The following SMG6 variants were observed in gnomAD, a reference collection of about 807,000 sequenced individuals.
SMG6 encodes telomerase-binding protein EST1A.
In SMG6, 66 loss-of-function variants were observed where a neutral mutation model predicts 142.2. The ratio of observed to expected loss-of-function variants is 0.46; its 90% CI spans 0.38 to 0.57. The LOEUF (loss-of-function observed/expected upper bound fraction) is 0.57. Ranked by LOEUF, SMG6 falls within the 20% of genes least tolerant of loss-of-function variation. The pLI, the probability that SMG6 is intolerant of heterozygous loss-of-function variation, is 0.00. For synonymous variants in SMG6, 779 were observed against 702.4 expected (o/e 1.11, Z -1.72); for missense variants, 1,793 against 1,832.0 (o/e 0.98, Z 0.39).
At chr17:2,293,440 G>A (rs546382270) in intron 4 of SMG6, among the ~76,000 whole-genome samples, 1 of 146,368 alleles carries the variant, frequency 6.8e-6, no homozygotes, top group South Asian at 2.3e-4. Context: ...AAACAAATAT[G>A]AAAACAATTG....
intron 13 of SMG6, among the ~76,000 whole-genome samples, chr17:2,107,398 C>T (rs1050766085): frequency 2.0e-5 from 3 of 152,186 alleles, no homozygotes; most frequent in African/African-American, 7.2e-5. Flanking sequence ...ACTATGTCTT[C>T]TATGGAAAAT....
At chr17:2,222,905 G>A (rs1467627680) in intron 10 of SMG6, among the ~76,000 whole-genome samples, 2 of 152,106 alleles carry the variant, frequency 1.3e-5, no homozygotes, top group African/African-American at 2.4e-5. Context: ...TAATACTTAC[G>A]AAACATTTTC....
rs1188031436 is a variant in SMG6, at chr17:2,088,865, G to A, written c.3358-2964C>T. On this transcript the variant is annotated intron_variant, in intron 13 of 18. Transcript: ENST00000263073. ...GGGGGGAATAAGCCCACTGGGGAGA[G>A]GACCACCGCTCTCTTGATGCTGGAG... is the stretch of plus-strand genomic sequence containing the variant. 4 of 984,046 alleles carry A rather than the reference G, an allele frequency of 4.1e-6. No individual in the cohort carries two copies. In the African/African-American group the frequency reaches 7.0e-5, roughly 17 times the overall value. The allele number at this position is 984,046 out of a possible 1,614,324, so 61.0% of individuals were successfully genotyped here.
chr17:2,211,129 A>G (rs2072846936), intron 10 of SMG6, among the ~76,000 whole-genome samples: 1 of 151,828 alleles, frequency 6.6e-6, no homozygotes, highest in South Asian at 2.1e-4. Flanking sequence ...AAAAAGATAC[A>G]TAGAACATGC....
At chr17:2,205,932 T>C (rs2072665425) in intron 10 of SMG6, among the ~76,000 whole-genome samples, 1 of 152,106 alleles carries the variant, frequency 6.6e-6, no homozygotes, top group African/African-American at 2.4e-5. Flanking sequence ...CCTCAGCCTC[T>C]TGAGTAGCTG....
intron 6 of SMG6, among the ~76,000 whole-genome samples, chr17:2,284,612 T>C (rs1404939777): frequency 6.6e-6 from 1 of 152,170 alleles, no homozygotes; most frequent in Admixed American, 6.5e-5. Context: ...TGCTAGCTTC[T>C]CTCTCTCCCC....
chr17:2,144,750 T>C (rs932712077), intron 13 of SMG6, among the ~76,000 whole-genome samples: 3 of 152,086 alleles, frequency 2.0e-5, no homozygotes, highest in Non-Finnish European at 2.9e-5. Flanking sequence ...TCAGAGTACA[T>C]AGGTAGTATG....
rs755423214 is a variant in SMG6 at position 2,085,912 on chromosome 17, A to G, written c.3358-11T>C. 6.2e-7 allele frequency: 1 copy of G among 1,612,248 alleles called. No homozygotes were observed. The highest frequency in any genetic ancestry group is 1.1e-5 in the South Asian group (1 of 90,722). On this transcript the variant is annotated splice_polypyrimidine_tract_variant and intron_variant, in intron 13 of 18. Coordinates refer to ENST00000263073, the MANE Select transcript of SMG6 (RefSeq NM_017575.5). This position sits in a 1 kb window ranked among gnomAD's most constrained non-coding sequence, Gnocchi z 4.1. ...GTCAGCTGCAATAACCTACAGGGTG[A>G]GAGGGAGAGAAGAAAAACAGCATTT...
At chr17:2,069,516 A>C (rs963034142) in intron 15 of SMG6, among the ~76,000 whole-genome samples, 4 of 152,024 alleles carry the variant, frequency 2.6e-5, no homozygotes, top group Non-Finnish European at 5.9e-5. Context: ...GGATTGCCTG[A>C]GCTCTGGAGG....
At position 2,297,345 on chromosome 17, in the gene SMG6, G is replaced by A. The variant is rs1319729288; in HGVS notation, c.2049C>T (p.Asp683=). 2 of 1,606,762 alleles carry A rather than the reference G, an allele frequency of 1.2e-6. No homozygotes were observed. Among genetic ancestry groups the A allele is most frequent in the Non-Finnish European group, 8.5e-7 (1 of 1,177,118 alleles). Residue 683 remains aspartate, a synonymous_variant, in exon 4 of 19, where the codon GAC becomes GAT. Transcript: ENST00000263073. The part of the protein sequence containing the change: ...RLLELLDEGS[D]FFDSLLQKLQ... Reference sequence around the variant, plus strand: ...GCTTCTGAAGCAAACTATCAAAGAAGTCACTACCCTATAAAAAGAAAAAAA... The same window carrying A: ...GCTTCTGAAGCAAACTATCAAAGAAATCACTACCCTATAAAAAGAAAAAAA...
chr17:2,087,491 T>A, intron 13 of SMG6: 3 of 1,053,268 alleles, frequency 2.8e-6, no homozygotes, highest in Non-Finnish European at 2.3e-6. Flanking sequence ...CATTATAGGC[T>A]GGAATCTCAA....
At chr17:2,204,456 CA>C (rs2072619968) in intron 10 of SMG6, among the ~76,000 whole-genome samples, 1 of 152,186 alleles carries the variant, frequency 6.6e-6, no homozygotes, top group South Asian at 2.1e-4. Flanking sequence ...GATCAATGTC[CA>C]AACCAAACTG....
chr17:2,165,979 A>C (rs1478789840), intron 13 of SMG6, among the ~76,000 whole-genome samples: 1 of 152,174 alleles, frequency 6.6e-6, no homozygotes, highest in Non-Finnish European at 1.5e-5. Flanking sequence ...AGGGAGGCCG[A>C]GGTGGGCGGA....
Position 2,298,975 on chromosome 17 carries a change from A to AGTT in SMG6, c.1775_1777dup (p.Glu592_Leu593insGln). ...CCTGGAGAGCAGGTTGCTGAGCTGC[A>AGTT]GTTCCTGGTTGTCAGCCACCCGGAG... On this transcript the variant is annotated inframe_insertion, in exon 2 of 19. Coordinates refer to ENST00000263073, the MANE Select transcript of SMG6 (RefSeq NM_017575.5). 6.2e-7 allele frequency: 1 copy of AGTT among 1,614,144 alleles called. No homozygotes were observed. The highest frequency in any genetic ancestry group is 8.5e-7 in the Non-Finnish European group (1 of 1,180,026).
intron 13 of SMG6, among the ~76,000 whole-genome samples, chr17:2,136,046 G>GTA (rs2070292334): frequency 6.9e-6 from 1 of 145,410 alleles, no homozygotes; most frequent in Non-Finnish European, 1.5e-5. Flanking sequence ...GTCTGTGTGT[G>GTA]TATATATACA....
chr17:2,117,487 A>G (rs913317972), intron 13 of SMG6: 1 of 152,222 alleles, frequency 6.6e-6, no homozygotes, highest in African/African-American at 2.4e-5. Flanking sequence ...ACAAAAGTCA[A>G]TTGTATTTTC....
intron 10 of SMG6, chr17:2,233,270 C>T (rs942572060): frequency 2.0e-5 from 3 of 152,294 alleles, no homozygotes; most frequent in Admixed American, 6.5e-5. Context: ...GGCTGGAATG[C>T]TCCTTCTCCA....
chr17:2,103,667 C>T (rs915201602), intron 13 of SMG6, among the ~76,000 whole-genome samples: 9 of 152,148 alleles, frequency 5.9e-5, no homozygotes, highest in Non-Finnish European at 1.3e-4. Context: ...TGGCTCTCGC[C>T]CCACGCTCTT....
intron 13 of SMG6, among the ~76,000 whole-genome samples, chr17:2,137,721 G>T (rs545214476): frequency 6.6e-6 from 1 of 152,118 alleles, no homozygotes; most frequent in African/African-American, 2.4e-5. Context: ...GATGGGAATT[G>T]AAAGTCTTTG....
Sources: gnomAD v4.1 joint callset for allele counts (sites outside exome capture counted in the v4.1 genomes callset) on GRCh38, gnomAD v4.1.1 for gene constraint, Gnocchi (gnomAD v3.1) non-coding constraint, MANE v1.5 for transcripts, NCBI Gene and HGNC (gene_info 2026-07-23, HGNC 2026-07-21) for gene names.